Variants in AP1M1 observed in about 807,000 individuals in gnomAD.
The protein encoded by AP1M1 is AP-1 complex subunit mu-1.
Under a neutral mutation model 57.1 loss-of-function variants are expected in AP1M1, and 18 were observed. That is an observed-to-expected ratio of 0.32 (90% CI 0.22 to 0.47). The LOEUF (loss-of-function observed/expected upper bound fraction) is 0.47, where lower values mean the gene tolerates loss of function less well. AP1M1 is among the 20% of genes least tolerant of loss of function. The pLI is 1.00. For missense variants in AP1M1, 362 were observed against 593.5 expected, an observed-to-expected ratio of 0.61 and a Z score of 4.05; for synonymous variants, 241 against 237.9, an observed-to-expected ratio of 1.01 and a Z score of -0.12.
chr19:16,214,178 A>G (rs137986636), intron 5 of AP1M1, among the ~76,000 whole-genome samples: 1,814 of 150,312 alleles, frequency 0.012, 39 homozygotes, highest in African/African-American at 0.041. Context: ...CCTCCCGAGT[A>G]GCTGGGACTA....
At chr19:16,224,024 A>G (rs2091558129) in intron 5 of AP1M1, among the ~76,000 whole-genome samples, 1 of 152,152 alleles carries the variant, frequency 6.6e-6, no homozygotes, top group Non-Finnish European at 1.5e-5. Context: ...TCAGCCCCAG[A>G]CGTGTGCACT....
chr19:16,225,650 C>T (rs900816695), intron 5 of AP1M1, among the ~76,000 whole-genome samples: 1 of 152,204 alleles, frequency 6.6e-6, no homozygotes, highest in African/African-American at 2.4e-5. Flanking sequence ...ACAGTCCCTG[C>T]CCCAGAGGTT....
At position 16,228,041 on chromosome 19, in the gene AP1M1, C is replaced by T; in HGVS notation, c.817-96C>T. ...GCAGGGCTCTGGGCCCACACCTGGG[C>T]AGATGGTCCCTTGCCCTGGGCCTTG... On this transcript the variant is annotated intron_variant, in intron 7 of 11. Transcript: ENST00000291439. The surrounding 1 kb of genome is among the most constrained non-coding windows in gnomAD (Gnocchi z 5.0). 1 of 1,277,364 alleles carries T rather than the reference C, an allele frequency of 7.8e-7. No individual in the cohort carries two copies. Among genetic ancestry groups the T allele is most frequent in the Non-Finnish European group, 1.1e-6 (1 of 896,298 alleles). 79.1% of individuals were successfully genotyped at this position (1,277,364 alleles called of 1,614,324 possible).
At chr19:16,208,810 G>A (rs1225588259) in intron 4 of AP1M1, 1 of 515,122 alleles carries the variant, frequency 1.9e-6, no homozygotes, top group Non-Finnish European at 3.4e-6. Flanking sequence ...TATAACTTGA[G>A]TGTATTGGCT....
chr19:16,220,084 C>T (rs187114978), intron 5 of AP1M1, among the ~76,000 whole-genome samples: 21 of 152,228 alleles, frequency 1.4e-4, no homozygotes, highest in East Asian at 7.7e-4. Context: ...TTTCCTCTTC[C>T]GTTTTCTGGA....
At position 16,228,959 on chromosome 19, in the gene AP1M1, C is replaced by T. The variant is rs1183482282; in HGVS notation, c.1047+31C>T. On this transcript the variant is annotated intron_variant, in intron 9 of 11. Coordinates refer to ENST00000291439, the MANE Select transcript of AP1M1 (RefSeq NM_032493.4). This position sits in a 1 kb window ranked among gnomAD's most constrained non-coding sequence, Gnocchi z 5.0. ...CACTCTGTCCAGACATCCACGTGCC[C>T]CCTGCGCCTGTCTCTGCAAGGCAGC... 2 of 1,604,358 alleles carry T rather than the reference C, an allele frequency of 1.2e-6. No homozygotes were observed. Among genetic ancestry groups the T allele is most frequent in the Admixed American group, 1.7e-5 (1 of 59,744 alleles).
chr19:16,223,025 A>G (rs1484761173), intron 5 of AP1M1, among the ~76,000 whole-genome samples: 2 of 152,170 alleles, frequency 1.3e-5, no homozygotes, highest in Admixed American at 6.5e-5. Flanking sequence ...GGTTGTTTGT[A>G]TGCTGAGTAA....
intron 5 of AP1M1, among the ~76,000 whole-genome samples, chr19:16,226,067 G>T (rs2091569857): frequency 6.6e-6 from 1 of 152,124 alleles, no homozygotes; most frequent in African/African-American, 2.4e-5. Flanking sequence ...GGGAGGGACT[G>T]GTACCTGATA....
chr19:16,229,074 A>G, intron 9 of AP1M1, 146 bp downstream of exon 9: 1 of 966,808 alleles, frequency 1.0e-6, no homozygotes. Context: ...GGGTGGACGG[A>G]GAGCTGAGGA....
In AP1M1 at chr19:16,208,045, G is replaced by A. The variant is rs1374482459; in HGVS notation, c.294G>A (p.Leu98=). ...VQVFSEYFKE[L]EEESIRDNFV... ...TGTTTTCCGAGTACTTCAAGGAGCTGGAGGAGGAGAGCATCCGGGACAACT... is the reference window on the plus strand; with the variant it reads ...TGTTTTCCGAGTACTTCAAGGAGCTAGAGGAGGAGAGCATCCGGGACAACT... Residue 98 remains leucine (L), a synonymous_variant, in exon 4 of 12, where the codon CTG becomes CTA. Coordinates refer to ENST00000291439, the MANE Select transcript of AP1M1 (RefSeq NM_032493.4). 3 of 1,613,766 alleles carry A rather than the reference G, an allele frequency of 1.9e-6. No individual in the cohort carries two copies. The highest frequency in any genetic ancestry group is 3.3e-5 in the Admixed American group (2 of 59,968).
chr19:16,220,200 A>G (rs1363249053), intron 5 of AP1M1, among the ~76,000 whole-genome samples: 1 of 152,106 alleles, frequency 6.6e-6, no homozygotes, highest in Non-Finnish European at 1.5e-5. Flanking sequence ...TTAACTATTA[A>G]TTTCAAAAAA....
intron 4 of AP1M1, among the ~76,000 whole-genome samples, chr19:16,208,468 CCT>C (rs2091479528): frequency 6.6e-6 from 1 of 152,144 alleles, no homozygotes; most frequent in South Asian, 2.1e-4. Context: ...CGAAATCTCC[CCT>C]CTTTGGAATC....
In AP1M1 at chr19:16,228,800, G is replaced by C; in HGVS notation, c.919G>C (p.Ala307Pro). ...AKSQFKRRST[A>P]NNVEIHIPVP... Reference sequence around the variant, plus strand: ...AAGCCAGTTCAAGCGGCGGTCAACAGCCAACAACGTGGAGATCCACATTCC... The same window carrying C: ...AAGCCAGTTCAAGCGGCGGTCAACACCCAACAACGTGGAGATCCACATTCC... The change falls in exon 9 of 12, where the codon GCC becomes CCC. Residue 307 changes from alanine (A) to proline (P), a missense_variant. Ala to Pro is a conservative substitution (Grantham distance 27). Transcript: ENST00000291439. The surrounding 1 kb of genome is among the most constrained non-coding windows in gnomAD (Gnocchi z 5.0). 1.2e-6 allele frequency: 2 copies of C among 1,614,118 alleles called. No homozygotes were observed. Among genetic ancestry groups the C allele is most frequent in the Non-Finnish European group, 1.7e-6 (2 of 1,180,030 alleles).
chr19:16,220,388 T>A lies in AP1M1; in HGVS notation c.547-6033T>A, dbSNP rs187389476. Among the ~76,000 whole-genome samples, 226 of 151,978 alleles carry A rather than the reference T, an allele frequency of 1.5e-3. 1 individual carries two copies. Among genetic ancestry groups the A allele is most frequent in the Non-Finnish European group, 2.6e-3 (174 of 67,972 alleles). ...CACCATGCCCGGCTTTTGGGGTTTT[T>A]TTGTTTTTTGTGTTTTTTTTGAGAC... is the stretch of plus-strand genomic sequence containing the variant. On this transcript the variant is annotated intron_variant, in intron 5 of 11. Coordinates refer to ENST00000291439, the MANE Select transcript of AP1M1 (RefSeq NM_032493.4).
intron 5 of AP1M1, among the ~76,000 whole-genome samples, chr19:16,219,285 A>G (rs2091532030): frequency 6.6e-6 from 1 of 152,140 alleles, no homozygotes; most frequent in South Asian, 2.1e-4. Context: ...GCTTGGGAGC[A>G]GAAGTGTTTT....
chr19:16,202,141 G>A (rs549702952), intron 1 of AP1M1, among the ~76,000 whole-genome samples: 30 of 152,304 alleles, frequency 2.0e-4, no homozygotes, highest in African/African-American at 6.7e-4. Context: ...ACTAGGAAAG[G>A]AAGGTGCCAC....
chr19:16,202,122 G>A (rs529584939), intron 1 of AP1M1, among the ~76,000 whole-genome samples: 42 of 152,298 alleles, frequency 2.8e-4, no homozygotes, highest in African/African-American at 7.9e-4. Flanking sequence ...CACAGGCCAC[G>A]AAGCAGACAC....
intron 9 of AP1M1, among the ~76,000 whole-genome samples, chr19:16,233,003 G>A (rs17722986): frequency 0.11 from 16,454 of 152,162 alleles, 1,108 homozygotes; most frequent in East Asian, 0.33. Context: ...TCCTTTTGTC[G>A]CCTCTCCCTG....
intron 2 of AP1M1, among the ~76,000 whole-genome samples, chr19:16,204,139 G>C (rs1404036119): frequency 6.6e-6 from 1 of 152,108 alleles, no homozygotes; most frequent in Non-Finnish European, 1.5e-5. Context: ...AAGACTGTGG[G>C]GACAGGAGAG....
Sources: allele counts gnomAD v4.1 joint callset (sites outside exome capture counted in the v4.1 genomes callset), GRCh38; gene constraint gnomAD v4.1.1; non-coding constraint Gnocchi (gnomAD v3.1); transcripts MANE v1.5; gene names NCBI Gene and HGNC (gene_info 2026-07-23, HGNC 2026-07-21).